Variants in SLC8A2 observed in about 807,000 individuals in gnomAD.
SLC8A2 encodes the protein solute carrier family 8 member A2.
SLC8A2 carries 14 observed loss-of-function variants against 70.2 expected under a neutral mutation model. That is an observed-to-expected ratio of 0.20 (90% confidence interval 0.13 to 0.31). The LOEUF is 0.31. SLC8A2 is among the 10% of genes least tolerant of loss of function. The pLI, the probability that SLC8A2 is intolerant of heterozygous loss-of-function variation, is 1.00. For synonymous variants in SLC8A2, 575 were observed against 594.3 expected, an observed-to-expected ratio of 0.97 and a Z score of 0.47; for missense variants, 779 against 1,320.1, an observed-to-expected ratio of 0.59 and a Z score of 6.35.
Position 47,466,426 on chromosome 19 carries a change from GGGAGGA to G in SLC8A2, c.-16-13_-16-8del. 9.7e-7 allele frequency: 1 copy of G among 1,032,162 alleles called. No homozygotes were observed. Among genetic ancestry groups the G allele is most frequent in the Non-Finnish European group, 1.4e-6 (1 of 731,344 alleles). The allele number at this position is 1,032,162 out of a possible 1,614,324, so 63.9% of individuals were successfully genotyped here. ...CATGGGGGGTGGTGGGGTCCTATGG[GGGAGGA>G]GGAGGAGGTCTGGGTGAGGGAAGCA... On this transcript the variant is annotated splice_polypyrimidine_tract_variant and splice_region_variant and intron_variant, in intron 1 of 9. Coordinates refer to ENST00000236877, the MANE Select transcript of SLC8A2 (RefSeq NM_015063.3). This position sits in a 1 kb window ranked among gnomAD's most constrained non-coding sequence, Gnocchi z 6.9.
chr19:47,437,652 T>G, intron 7 of SLC8A2, 91 bp from the exon 8 acceptor site: 1 of 1,200,474 alleles, frequency 8.3e-7, no homozygotes, highest in Admixed American at 1.8e-5. Context: ...TCACAGCCTG[T>G]GCCCAGGGGT....
In SLC8A2 at chr19:47,430,301, T is replaced by G. The variant is rs1353781133; in HGVS notation, c.2554A>C (p.Thr852Pro). The change falls in exon 10 of 10, where the codon ACT becomes CCT. Residue 852 changes from threonine (T) to proline (P), a missense_variant. Physicochemically the swap from Thr to Pro is conservative, Grantham distance 38. This residue lies in a region of SLC8A2 where 108 missense variants were observed against 269.6 expected (regional missense o/e 0.40). Transcript: ENST00000236877. The surrounding 1 kb of genome is among the most constrained non-coding windows in gnomAD (Gnocchi z 5.9). ...AVQGRPFEVRTGTLAFSVTLF... is the reference protein window; with the variant it reads ...AVQGRPFEVRPGTLAFSVTLF... Reference sequence around the variant, plus strand: ...GTGACGGAGAAGGCCAGCGTGCCAGTGCGCACCTCGAAGGGGCGGCCCTGC... The same window carrying G: ...GTGACGGAGAAGGCCAGCGTGCCAGGGCGCACCTCGAAGGGGCGGCCCTGC... 1.2e-6 allele frequency: 2 copies of G among 1,612,474 alleles called. No homozygotes were observed. Among genetic ancestry groups the G allele is most frequent in the Non-Finnish European group, 1.7e-6 (2 of 1,179,350 alleles).
At chr19:47,431,424 G>A (rs937680472) in intron 9 of SLC8A2, among the ~76,000 whole-genome samples, 5 of 151,782 alleles carry the variant, frequency 3.3e-5, no homozygotes, top group Non-Finnish European at 5.9e-5. Context: ...GCAGAGGTGG[G>A]CGGATCACGA....
At chr19:47,436,459 G>A (rs1185093791) in intron 8 of SLC8A2, among the ~76,000 whole-genome samples, 2 of 152,230 alleles carry the variant, frequency 1.3e-5, no homozygotes, top group Non-Finnish European at 2.9e-5. Context: ...TTCAGAGGGA[G>A]ATGCCACTTT....
In SLC8A2 at chr19:47,447,804, C is replaced by T. The variant is rs1163751807; in HGVS notation, c.1763+5G>A. On this transcript the variant is annotated splice_donor_5th_base_variant and intron_variant, in intron 4 of 9. Transcript: ENST00000236877. This position sits in a 1 kb window ranked among gnomAD's most constrained non-coding sequence, Gnocchi z 5.1. ...CCCTCTCCGGGCCGCCTCGGGCGTGCTCACATGGTCTCGTCGTCGCCAAAC... is the reference window on the plus strand; with the variant it reads ...CCCTCTCCGGGCCGCCTCGGGCGTGTTCACATGGTCTCGTCGTCGCCAAAC... 6.3e-7 allele frequency: 1 copy of T among 1,583,280 alleles called. No homozygotes were observed. Among genetic ancestry groups the T allele is most frequent in the Non-Finnish European group, 8.5e-7 (1 of 1,173,554 alleles).
At chr19:47,446,955 C>A (rs556839727) in intron 4 of SLC8A2, among the ~76,000 whole-genome samples, 1 of 152,094 alleles carries the variant, frequency 6.6e-6, no homozygotes, top group Non-Finnish European at 1.5e-5. Context: ...TCCCCAGACC[C>A]CATTTTCCTA....
chr19:47,432,136 C>T lies in SLC8A2; in HGVS notation c.2389+31G>A. 6.4e-7 allele frequency: 1 copy of T among 1,569,112 alleles called. No homozygotes were observed. Among genetic ancestry groups the T allele is most frequent in the Non-Finnish European group, 8.7e-7 (1 of 1,154,914 alleles). Reference sequence around the variant, plus strand: ...TGCCCCTGCCTGGCTCATCTGAGATCCTACCCCACCAAAGTCTCCCAGGGT... The same window carrying T: ...TGCCCCTGCCTGGCTCATCTGAGATTCTACCCCACCAAAGTCTCCCAGGGT... On this transcript the variant is annotated intron_variant, in intron 9 of 9. Transcript: ENST00000236877. The surrounding 1 kb of genome is among the most constrained non-coding windows in gnomAD (Gnocchi z 6.2).
chr19:47,469,132 G>T (rs1345320861), intron 1 of SLC8A2, among the ~76,000 whole-genome samples: 1 of 151,792 alleles, frequency 6.6e-6, no homozygotes, highest in East Asian at 1.9e-4. Context: ...GTGTGTGTGT[G>T]TGTGTGTGTG....
At chr19:47,433,296 C>G (rs927779415) in intron 8 of SLC8A2, among the ~76,000 whole-genome samples, 10 of 152,320 alleles carry the variant, frequency 6.6e-5, no homozygotes, top group Admixed American at 6.5e-4. Flanking sequence ...CCCAGAATCC[C>G]TTGCAGCTAG....
At chr19:47,439,665 CTCTT>C (rs1243005184) in intron 6 of SLC8A2, among the ~76,000 whole-genome samples, 16 of 150,958 alleles carry the variant, frequency 1.1e-4, no homozygotes, top group South Asian at 4.2e-4. Flanking sequence ...CTCTCTCTCT[CTCTT>C]TCTTACTTTT....
chr19:47,432,617 A>C lies in SLC8A2; in HGVS notation c.2111-172T>G, dbSNP rs751825889. The C allele has an allele frequency of 4.3e-4, 254 of 585,272 alleles. No homozygotes were observed. Among genetic ancestry groups the C allele is most frequent in the Middle Eastern group, 3.0e-3 (11 of 3,626 alleles). 36.3% of individuals were successfully genotyped at this position (585,272 alleles called of 1,614,324 possible). A position where few individuals can be genotyped will look rare whatever the true frequency, so the allele number is the denominator to read the frequency against. The stretch of plus-strand genomic sequence containing the variant: ...CTGCTAAAAACAGTTACTTTCCCAG[A>C]ATCCCTTGAAGCTAGGAGCTTGATT... On this transcript the variant is annotated intron_variant, in intron 8 of 9. Transcript: ENST00000236877. The surrounding 1 kb of genome is among the most constrained non-coding windows in gnomAD (Gnocchi z 6.2).
chr19:47,454,107 C>T (rs914152522), intron 3 of SLC8A2, among the ~76,000 whole-genome samples: 6 of 152,028 alleles, frequency 3.9e-5, no homozygotes, highest in African/African-American at 1.4e-4. Flanking sequence ...GATTGTGCCA[C>T]TGCACTCCAG....
intron 9 of SLC8A2, chr19:47,431,949 G>A (rs1275923792): frequency 1.1e-5 from 5 of 442,810 alleles, no homozygotes; most frequent in Non-Finnish European, 2.0e-5. Flanking sequence ...TTAGTTTTAT[G>A]GGACCTTCTA....
chr19:47,434,024 A>C (rs1466012266), intron 8 of SLC8A2, among the ~76,000 whole-genome samples: 4 of 152,246 alleles, frequency 2.6e-5, no homozygotes, highest in African/African-American at 9.6e-5. Context: ...GTATAAAGCA[A>C]TGAATGAGAA....
rs1475707737 is a variant in SLC8A2, at chr19:47,452,435, A to T, written c.1341-4204T>A. 2.6e-3 allele frequency among the ~76,000 whole-genome samples: 249 copies of T among 94,942 alleles called. 3 individuals carry two copies. Among genetic ancestry groups the T allele is most frequent in the African/African-American group, 0.011 (236 of 21,814 alleles). 62.3% of individuals were successfully genotyped at this position (94,942 alleles called of 152,430 possible). A position where few individuals can be genotyped will look rare whatever the true frequency, so the allele number is the denominator to read the frequency against. On this transcript the variant is annotated intron_variant, in intron 3 of 9. Coordinates refer to ENST00000236877, the MANE Select transcript of SLC8A2 (RefSeq NM_015063.3). The stretch of plus-strand genomic sequence containing the variant: ...GAGAGAGAGAGAGAGAGAGAGAGAG[A>T]GAGAGAGAGAGTGTGTGTGTGTGTG...
In SLC8A2 at chr19:47,468,704, C is replaced by T. The variant is rs1967493969; in HGVS notation, c.-16-2285G>A. On this transcript the variant is annotated intron_variant, in intron 1 of 9. Coordinates refer to ENST00000236877, the MANE Select transcript of SLC8A2 (RefSeq NM_015063.3). This position sits in a 1 kb window ranked among gnomAD's most constrained non-coding sequence, Gnocchi z 5.1. ...GACACCCTCCCCCTCTGGGGAGCACCCCTCCATTCCACAGGTGAGAGGACC... is the reference window on the plus strand; with the variant it reads ...GACACCCTCCCCCTCTGGGGAGCACTCCTCCATTCCACAGGTGAGAGGACC... Among the ~76,000 whole-genome samples, 1 of 152,170 alleles carries T rather than the reference C, an allele frequency of 6.6e-6. No individual in the cohort carries two copies. The highest frequency in any genetic ancestry group is 2.4e-5 in the African/African-American group (1 of 41,434).
At chr19:47,461,971 G>T (rs1303062582) in intron 2 of SLC8A2, among the ~76,000 whole-genome samples, 3 of 152,158 alleles carry the variant, frequency 2.0e-5, no homozygotes, top group African/African-American at 7.2e-5. Context: ...TTTATGGGCT[G>T]CCATCATCAC....
Position 47,430,161 on chromosome 19 carries a change from G to C in SLC8A2, c.2694C>G (p.Leu898=). The change falls in exon 10 of 10, where the codon CTC becomes CTG. Residue 898 remains leucine (L), a synonymous_variant. Transcript: ENST00000236877. This position sits in a 1 kb window ranked among gnomAD's most constrained non-coding sequence, Gnocchi z 5.9. ...TGTACAGGAGCCAGAGGCCCAGGAAGAGCGCGGTGGTGGCGAGCTTGGGTC... is the reference window on the plus strand; with the variant it reads ...TGTACAGGAGCCAGAGGCCCAGGAACAGCGCGGTGGTGGCGAGCTTGGGTC... ...PRGPKLATTA[L]FLGLWLLYIL... 6 of 1,597,514 alleles carry C rather than the reference G, an allele frequency of 3.8e-6. No homozygotes were observed. The highest frequency in any genetic ancestry group is 4.3e-6 in the Non-Finnish European group (5 of 1,172,074).
chr19:47,434,934 C>T (rs1324743336), intron 8 of SLC8A2, among the ~76,000 whole-genome samples: 2 of 152,150 alleles, frequency 1.3e-5, no homozygotes, highest in Non-Finnish European at 2.9e-5. Flanking sequence ...GTCAGCTGGG[C>T]ACAGTAGCTT....
Sources: allele counts gnomAD v4.1 joint callset (sites outside exome capture counted in the v4.1 genomes callset), GRCh38; gene constraint gnomAD v4.1.1; regional missense constraint gnomAD v4.1.1; non-coding constraint Gnocchi (gnomAD v3.1); transcripts MANE v1.5; gene names NCBI Gene and HGNC (gene_info 2026-07-23, HGNC 2026-07-21).